Variants in AFF1 observed in about 807,000 individuals in gnomAD.
The protein encoded by AFF1 is AF4/FMR2 family member 1.
Under a neutral mutation model 121.7 loss-of-function variants are expected in AFF1, and 48 were observed. The observed-to-expected ratio is 0.39, with a 90% CI of 0.31 to 0.50. The LOEUF (loss-of-function observed/expected upper bound fraction) is 0.50, where lower values mean the gene tolerates loss of function less well. AFF1 is among the 20% of genes least tolerant of loss of function. AFF1 has a pLI of 0.76. For synonymous variants in AFF1, 613 were observed against 563.0 expected (o/e 1.09, Z -1.26); for missense variants, 1,523 against 1,511.7 (o/e 1.01, Z -0.12).
At chr4:87,112,651 G>A (rs1400190374) in intron 11 of AFF1, among the ~76,000 whole-genome samples, 2 of 152,118 alleles carry the variant, frequency 1.3e-5, no homozygotes, top group Non-Finnish European at 2.9e-5. Flanking sequence ...TGAATTATTT[G>A]GGATGTTCCA....
chr4:87,125,841 C>T (rs1446047934), intron 13 of AFF1, among the ~76,000 whole-genome samples: 3 of 152,088 alleles, frequency 2.0e-5, no homozygotes, highest in East Asian at 1.9e-4. Context: ...CTGAAGCAGG[C>T]GTTCGGAATG....
At chr4:87,007,408 A>G (rs746646057) in intron 2 of AFF1, 3 of 1,614,064 alleles carry the variant, frequency 1.9e-6, no homozygotes, top group Admixed American at 1.7e-5. Flanking sequence ...AAGCTGAATT[A>G]TGGCAGCCCA....
intron 10 of AFF1, among the ~76,000 whole-genome samples, chr4:87,107,351 A>G (rs2149749810): frequency 6.6e-6 from 1 of 152,348 alleles, no homozygotes; most frequent in East Asian, 1.9e-4. Context: ...TTGAAATTAT[A>G]TATGTGTCTA....
In AFF1 at chr4:87,047,044, G is replaced by T; in HGVS notation, c.509G>T (p.Arg170Leu). The change falls in exon 4 of 21, where the codon CGC becomes CTC. Residue 170 changes from arginine (R) to leucine (L), a missense_variant. Arg to Leu is a moderately radical substitution (Grantham distance 102, BLOSUM62 -2). This residue lies in a region of AFF1 where 369 missense variants were observed against 367.2 expected (regional missense o/e 1.00). Coordinates refer to ENST00000395146, the MANE Select transcript of AFF1 (RefSeq NM_001166693.3). ...PPDSQHLTQD[R>L]LGQEGFGSSH... The stretch of plus-strand genomic sequence containing the variant: ...GACAGCCAGCACCTGACCCAGGATC[G>T]CCTTGGTCAGGAGGGGTTCGGCTCT... The T allele has an allele frequency of 6.2e-7, 1 of 1,614,174 alleles. No individual in the cohort carries two copies. The highest frequency in any genetic ancestry group is 8.5e-7 in the Non-Finnish European group (1 of 1,180,024).
chr4:87,084,776 C>G (rs17012398), intron 5 of AFF1, among the ~76,000 whole-genome samples: 4,028 of 152,096 alleles, frequency 0.026, 179 homozygotes, highest in African/African-American at 0.092. Flanking sequence ...ACATTTGGAC[C>G]AGATTTTTAT....
chr4:87,061,614 C>T (rs981337301), intron 4 of AFF1, among the ~76,000 whole-genome samples: 1 of 152,216 alleles, frequency 6.6e-6, no homozygotes, highest in African/African-American at 2.4e-5. Flanking sequence ...TGGCAACATA[C>T]AGTCTTACAG....
rs576157886 is a variant in AFF1 at position 86,938,224 on chromosome 4, C to T, written c.-37+2984C>T. On this transcript the variant is annotated intron_variant, in intron 1 of 20. Transcript: ENST00000395146. ...CAACACTTTGGGAGGCTGAGGCGAG[C>T]GGATCACTTGAGGTCAGCGGTTCTG... Among the ~76,000 whole-genome samples, 66 of 152,104 alleles carry T rather than the reference C, an allele frequency of 4.3e-4. 1 individual carries two copies. The highest frequency in any genetic ancestry group is 1.4e-3 in the African/African-American group (59 of 41,528).
intron 7 of AFF1, among the ~76,000 whole-genome samples, chr4:87,094,004 A>T (rs1406867927): frequency 6.6e-6 from 1 of 152,122 alleles, no homozygotes; most frequent in Non-Finnish European, 1.5e-5. Flanking sequence ...TGTGTCTCAT[A>T]GCCCAGCAAA....
intron 2 of AFF1, among the ~76,000 whole-genome samples, chr4:86,967,802 G>T (rs1248052492): frequency 6.6e-6 from 1 of 152,192 alleles, no homozygotes; most frequent in East Asian, 1.9e-4. Context: ...GTCCAGGTTT[G>T]AAATGCCTGT....
At chr4:86,986,042 A>ATTTAAT (rs1724242709) in intron 2 of AFF1, among the ~76,000 whole-genome samples, 1 of 127,844 alleles carries the variant, frequency 7.8e-6, no homozygotes, top group East Asian at 2.0e-4. Context: ...ATTCAATTCA[A>ATTTAAT]TTTAATTTAA....
intron 2 of AFF1, among the ~76,000 whole-genome samples, chr4:87,019,944 G>A (rs1296068206): frequency 6.6e-6 from 1 of 151,892 alleles, no homozygotes; most frequent in African/African-American, 2.4e-5. Context: ...CCATCTCCAG[G>A]TAGTTGTGTA....
intron 2 of AFF1, among the ~76,000 whole-genome samples, chr4:87,034,912 GAT>G (rs1437639202): frequency 6.6e-6 from 1 of 152,186 alleles, no homozygotes; most frequent in Admixed American, 6.5e-5. Flanking sequence ...TTCAGTCAAA[GAT>G]ATGTATTAAG....
At chr4:86,960,060 C>T (rs1361454539) in intron 2 of AFF1, among the ~76,000 whole-genome samples, 1 of 152,092 alleles carries the variant, frequency 6.6e-6, no homozygotes, top group African/African-American at 2.4e-5. Context: ...TAAATGGGGG[C>T]TGCTGGACTC....
At chr4:87,100,379 T>G (rs1002972675) in intron 8 of AFF1, among the ~76,000 whole-genome samples, 6 of 152,150 alleles carry the variant, frequency 3.9e-5, no homozygotes, top group African/African-American at 1.4e-4. Flanking sequence ...TTTTCCATTC[T>G]GGCAGGCTTG....
chr4:87,030,575 A>G (rs1297051726), intron 2 of AFF1, among the ~76,000 whole-genome samples: 2 of 152,146 alleles, frequency 1.3e-5, no homozygotes, highest in Non-Finnish European at 2.9e-5. Context: ...ACACTGGTCT[A>G]AGCATGTCAG....
intron 2 of AFF1, chr4:87,020,811 A>G (rs916543330): frequency 6.1e-6 from 6 of 985,282 alleles, no homozygotes; most frequent in Non-Finnish European, 7.2e-6. Context: ...ACAGGTAGTC[A>G]TCATTGTTAA....
chr4:87,091,549 G>C (rs1313094341), intron 6 of AFF1, among the ~76,000 whole-genome samples: 1 of 152,138 alleles, frequency 6.6e-6, no homozygotes, highest in Non-Finnish European at 1.5e-5. Flanking sequence ...GCTAAAATTA[G>C]GTTAATCAAT....
At position 87,067,955 on chromosome 4, in the gene AFF1, G is replaced by A. The variant is rs114662504; in HGVS notation, c.1060-16165G>A. Reference sequence around the variant, plus strand: ...GTAAAGTTTTATGGGTAGTATTCTAGTTCTACATAGAAGTTTTATTTCTCA... The same window carrying A: ...GTAAAGTTTTATGGGTAGTATTCTAATTCTACATAGAAGTTTTATTTCTCA... On this transcript the variant is annotated intron_variant, in intron 4 of 20. Coordinates refer to ENST00000395146, the MANE Select transcript of AFF1 (RefSeq NM_001166693.3). Among the ~76,000 whole-genome samples the A allele has an allele frequency of 4.0e-3, 608 of 152,226 alleles. 3 individuals are homozygous for A. The highest frequency in any genetic ancestry group is 0.01 in the Middle Eastern group (3 of 294).
At chr4:87,060,835 C>CAAAAAAAAAAAAAAAAAA (rs749186199) in intron 4 of AFF1, among the ~76,000 whole-genome samples, 10 of 62,280 alleles carry the variant, frequency 1.6e-4, no homozygotes, top group Admixed American at 3.4e-4. Context: ...GACTCTGTCT[C>CAAAAAAAAAAAAAAAAAA]AAAAAAAAAA....
Sources: gnomAD v4.1 joint callset for allele counts (sites outside exome capture counted in the v4.1 genomes callset) on GRCh38, gnomAD v4.1.1 for gene constraint, gnomAD v4.1.1 regional missense constraint, MANE v1.5 for transcripts, NCBI Gene and HGNC (gene_info 2026-07-23, HGNC 2026-07-21) for gene names.